Variants in STAT2 observed in about 807,000 individuals in gnomAD.
STAT2 encodes the protein interferon alpha induced transcriptional activator.
Under a neutral mutation model 122.3 loss-of-function variants are expected in STAT2, and 51 were observed. That is an observed-to-expected ratio of 0.42 (90% confidence interval 0.33 to 0.53). The LOEUF is 0.53. Among genes scored for constraint, STAT2 ranks in the 20% least tolerant of loss-of-function variants. The pLI, the probability that STAT2 is intolerant of heterozygous loss-of-function variation, is 0.10. For synonymous variants in STAT2, 351 were observed against 394.9 expected, an observed-to-expected ratio of 0.89 and a Z score of 1.32; for missense variants, 736 against 1,010.3, an observed-to-expected ratio of 0.73 and a Z score of 3.68.
In STAT2 at chr12:56,349,068, G is replaced by A; in HGVS notation, c.1441-9C>T. ...GAGAAGAACTGCTGGTTCTGCAGGG[G>A]TGGGAGCAGTGTAGGCTGGCTCAGA... On this transcript the variant is annotated splice_polypyrimidine_tract_variant and intron_variant, in intron 16 of 23. Transcript: ENST00000314128. The A allele has an allele frequency of 6.2e-7, 1 of 1,613,164 alleles. No homozygotes were observed. Among genetic ancestry groups the A allele is most frequent in the Non-Finnish European group, 8.5e-7 (1 of 1,179,384 alleles).
At chr12:56,358,319 C>T (rs1170481739) in intron 1 of STAT2, among the ~76,000 whole-genome samples, 6 of 150,374 alleles carry the variant, frequency 4.0e-5, no homozygotes, top group African/African-American at 1.2e-4. Flanking sequence ...GATCTCGGCT[C>T]ACTGCAAACT....
In STAT2 at chr12:56,354,722, C is replaced by T. The variant is rs780126623; in HGVS notation, c.633+56G>A. On this transcript the variant is annotated intron_variant, in intron 7 of 23. Coordinates refer to ENST00000314128, the MANE Select transcript of STAT2 (RefSeq NM_005419.4). ...CAGCGCTAGAGGACCAGGGTCCCCACATCCCTCATTTTTCCAGGTCCTTGT... is the reference window on the plus strand; with the variant it reads ...CAGCGCTAGAGGACCAGGGTCCCCATATCCCTCATTTTTCCAGGTCCTTGT... 1.2e-5 allele frequency: 19 copies of T among 1,613,260 alleles called. No individual in the cohort carries two copies. The East Asian group carries it at 3.3e-4, about 28-fold the overall frequency.
chr12:56,346,614 G>T lies in STAT2; in HGVS notation c.1872C>A (p.Leu624=). ...TCGTGTACGGTTGCACAGAGTAGAT[G>T]AGCACCTTGTCTGGAGAGTGAATGC... ...WVEHQDDDKV[L]IYSVQPYTKE... is the part of the protein sequence containing the mutation. The change falls in exon 21 of 24, where the codon CTC becomes CTA. Residue 624 remains leucine (L), a synonymous_variant. Coordinates refer to ENST00000314128, the MANE Select transcript of STAT2 (RefSeq NM_005419.4). The T allele has an allele frequency of 6.2e-7, 1 of 1,614,162 alleles. No individual in the cohort carries two copies. Among genetic ancestry groups the T allele is most frequent in the Non-Finnish European group, 8.5e-7 (1 of 1,180,038 alleles).
chr12:56,350,821 C>T lies in STAT2; in HGVS notation c.1094+8G>A. The stretch of plus-strand genomic sequence containing the variant: ...TGTCCTGGCCACCCTTCACCTGCTC[C>T]AATTTACCTGTCAATGGAGACTTCC... On this transcript the variant is annotated splice_region_variant and intron_variant, in intron 11 of 23. Transcript: ENST00000314128. 1 of 1,613,910 alleles carries T rather than the reference C, an allele frequency of 6.2e-7. No individual in the cohort carries two copies.
chr12:56,347,851 T>C (rs1316467271), intron 19 of STAT2, among the ~76,000 whole-genome samples: 1 of 152,116 alleles, frequency 6.6e-6, no homozygotes, highest in Non-Finnish European at 1.5e-5. Flanking sequence ...GTAGGCAGTG[T>C]GGTGGAAAGA....
chr12:56,348,648 A>T lies in STAT2; in HGVS notation c.1630-25T>A, dbSNP rs754063093. The stretch of plus-strand genomic sequence containing the variant: ...GCTGGAGGAGGAATGGAAAGGTAGC[A>T]AAAGCTGAGGAGTTGCCTCTGGTGT... On this transcript the variant is annotated intron_variant, in intron 18 of 23. Transcript: ENST00000314128. 1.6e-5 allele frequency: 26 copies of T among 1,614,190 alleles called. No homozygotes were observed. The South Asian group carries it at 2.7e-4, about 17-fold the overall frequency.
In STAT2 at chr12:56,348,531, A is replaced by G. The variant is rs1877898898; in HGVS notation, c.1722T>C (p.Asp574=). ...VHDHLKDLWN[D]GRIMGFVSRS... ...GGGAAGGGTGACCAAGGCCTTACCC[A>G]TCATTCCAGAGATCCTTCAGGTGGT... Residue 574 remains aspartate, a splice_region_variant and synonymous_variant, in exon 19 of 24, where the codon GAT becomes GAC. Coordinates refer to ENST00000314128, the MANE Select transcript of STAT2 (RefSeq NM_005419.4). 3 of 1,614,050 alleles carry G rather than the reference A, an allele frequency of 1.9e-6. No homozygotes were observed. The highest frequency in any genetic ancestry group is 2.5e-6 in the Non-Finnish European group (3 of 1,180,004).
At chr12:56,344,195 G>A in intron 22 of STAT2, 60 bp from the exon 23 acceptor site, 1 of 1,504,994 alleles carries the variant, frequency 6.6e-7, no homozygotes, top group Non-Finnish European at 8.9e-7. Context: ...AATCAGGAAT[G>A]GTAGAATAAG....
chr12:56,346,307 C>A, intron 21 of STAT2, 104 bp from the exon 22 acceptor site: 1 of 1,554,414 alleles, frequency 6.4e-7, no homozygotes, highest in East Asian at 2.3e-5. Flanking sequence ...CCCATAGTAA[C>A]CAGCAGTATC....
intron 22 of STAT2, 68 bp downstream of exon 22, chr12:56,346,078 C>CT (rs1458214503): frequency 1.9e-6 from 3 of 1,609,116 alleles, no homozygotes; most frequent in Non-Finnish European, 2.6e-6. Flanking sequence ...GTAATGCCCC[C>CT]TTTTGACGAT....
Position 56,343,941 on chromosome 12 carries a change from G to A in STAT2, c.2297C>T (p.Thr766Ile). ...ESTLEPVIEP[T>I]LCMVSQTVPE... ...CACTGTTTGTGATACCATGCATAGTGTGGGCTCTATCACAGGCTCCAGAGT... is the reference window on the plus strand; with the variant it reads ...CACTGTTTGTGATACCATGCATAGTATGGGCTCTATCACAGGCTCCAGAGT... Residue 766 changes from threonine (T) to isoleucine (I), a missense_variant, in exon 23 of 24, where the codon ACA becomes ATA. Thr to Ile is a moderately conservative substitution (Grantham distance 89). Coordinates refer to ENST00000314128, the MANE Select transcript of STAT2 (RefSeq NM_005419.4). The A allele has an allele frequency of 6.2e-7, 1 of 1,614,190 alleles. No individual in the cohort carries two copies. Among genetic ancestry groups the A allele is most frequent in the Non-Finnish European group, 8.5e-7 (1 of 1,180,030 alleles).
chr12:56,354,757 G>A (rs1289963043), intron 7 of STAT2, 21 bp downstream of exon 7: 2 of 1,614,042 alleles, frequency 1.2e-6, no homozygotes, highest in Non-Finnish European at 1.7e-6. Flanking sequence ...TTGCCCACAT[G>A]TTCTGTCCTC....
intron 1 of STAT2, among the ~76,000 whole-genome samples, chr12:56,358,885 G>C (rs1458513803): frequency 6.6e-6 from 1 of 152,156 alleles, no homozygotes; most frequent in African/African-American, 2.4e-5. Context: ...GACAAAGCAA[G>C]ACTCTGTCTC....
chr12:56,349,175 G>A lies in STAT2; in HGVS notation c.1428C>T (p.Ser476=), dbSNP rs1221575485. The stretch of plus-strand genomic sequence containing the variant: ...CCCACTCCCCTACCTGAAGGTTTGG[G>A]CTGAGCAAATTGAACCAGAGAACTG... ...WASVLWFNLL[S]PNLQNQQFFS... is the part of the protein sequence containing the mutation. Residue 476 remains serine (S), a synonymous_variant, in exon 16 of 24, where the codon AGC becomes AGT. Transcript: ENST00000314128. The A allele has an allele frequency of 3.7e-6, 6 of 1,614,018 alleles. No individual in the cohort carries two copies. In the African/African-American group the frequency reaches 8.0e-5, roughly 22 times the overall value.
chr12:56,344,278 T>C (rs1185751051), intron 22 of STAT2, 143 bp from the exon 23 acceptor site: 2 of 1,250,412 alleles, frequency 1.6e-6, no homozygotes, highest in African/African-American at 3.1e-5. Context: ...CTCCTGGAGT[T>C]TGAATCCTGG....
chr12:56,348,839 G>C, intron 17 of STAT2, 35 bp from the exon 18 acceptor site: 1 of 1,614,182 alleles, frequency 6.2e-7, no homozygotes. Context: ...GATGATGAGG[G>C]AAGCCAGGGG....
intron 22 of STAT2, among the ~76,000 whole-genome samples, chr12:56,344,679 T>C (rs915908750): frequency 2.6e-5 from 4 of 152,204 alleles, no homozygotes; most frequent in African/African-American, 9.7e-5. Context: ...ATGACCAGCC[T>C]GGCCAACATG....
rs776718676 is a variant in STAT2 at position 56,350,843 on chromosome 12, T to C, written c.1080A>G (p.Glu360=). 5 of 1,614,096 alleles carry C rather than the reference T, an allele frequency of 3.1e-6. No homozygotes were observed. In the Admixed American group the frequency reaches 8.3e-5, roughly 27 times the overall value. Reference sequence around the variant, plus strand: ...CTCCAATTTACCTGTCAATGGAGACTTCCACAGTCAGTGACTCATTGCCTT... The same window carrying C: ...CTCCAATTTACCTGTCAATGGAGACCTCCACAGTCAGTGACTCATTGCCTT... ...LQEGNESLTV[E]VSIDRNPPQL... Residue 360 remains glutamate, a synonymous_variant, in exon 11 of 24, where the codon GAA becomes GAG. Coordinates refer to ENST00000314128, the MANE Select transcript of STAT2 (RefSeq NM_005419.4).
At chr12:56,345,160 G>A (rs1265290514) in intron 22 of STAT2, among the ~76,000 whole-genome samples, 8 of 123,742 alleles carry the variant, frequency 6.5e-5, no homozygotes, top group African/African-American at 2.6e-4. Flanking sequence ...GGCAATGAGA[G>A]TGAGACTGTC....
Sources: allele counts gnomAD v4.1 joint callset (sites outside exome capture counted in the v4.1 genomes callset), GRCh38; gene constraint gnomAD v4.1.1; transcripts MANE v1.5; gene names NCBI Gene and HGNC (gene_info 2026-07-23, HGNC 2026-07-21).